Variants in AURKC observed in about 807,000 individuals in gnomAD.
The protein encoded by AURKC is ARK-3.
AURKC carries 15 observed loss-of-function variants against 29.2 expected under a neutral mutation model. That is an observed-to-expected ratio of 0.51 (90% confidence interval 0.34 to 0.79). The LOEUF is 0.79. Among genes scored for constraint, AURKC ranks in the 30% least tolerant of loss-of-function variants. The pLI is 0.01. For synonymous variants in AURKC, 150 were observed against 149.9 expected (o/e 1.00, Z -0.01); for missense variants, 332 against 383.2 (o/e 0.87, Z 1.12).
rs1441969675 is a variant in AURKC, at chr19:57,231,306, T to C, written c.58T>C (p.Leu20=). The change falls in exon 1 of 7, where the codon TTG becomes CTG. Residue 20 remains leucine, a splice_region_variant and synonymous_variant. Coordinates refer to ENST00000302804, the MANE Select transcript of AURKC (RefSeq NM_001015878.2). ...CAAAGCTCAACCTGCAGGCGAAGAG[T>C]GTGAGAGCCAGCGCCAGAGAAAGGA... ...LGKAQPAGEE[L]ATANQTAQQP... The C allele has an allele frequency of 1.3e-6, 2 of 1,552,464 alleles. No individual in the cohort carries two copies. Among genetic ancestry groups the C allele is most frequent in the Non-Finnish European group, 1.7e-6 (2 of 1,147,586 alleles).
In AURKC at chr19:57,231,059, G is replaced by C; in HGVS notation, c.-190G>C. 1.4e-6 allele frequency: 2 copies of C among 1,379,830 alleles called. No individual in the cohort carries two copies. The highest frequency in any genetic ancestry group is 2.5e-5 in the East Asian group (1 of 40,344). The allele number at this position is 1,379,830 out of a possible 1,614,324, so 85.5% of individuals were successfully genotyped here. ...GCCGGGTATAAAAGAAGGCCGCGCA[G>C]CCACGGCTGCTCACGACGCCGCGGA... On this transcript the variant is annotated 5_prime_UTR_variant, in exon 1 of 7. Coordinates refer to ENST00000302804, the MANE Select transcript of AURKC (RefSeq NM_001015878.2).
At position 57,235,330 on chromosome 19, in the gene AURKC, A is replaced by G; in HGVS notation, c.843A>G (p.Arg281=). The change falls in exon 7 of 7, where the codon AGA becomes AGG. Residue 281 remains arginine, a synonymous_variant. Coordinates refer to ENST00000302804, the MANE Select transcript of AURKC (RefSeq NM_001015878.2). Reference sequence around the variant, plus strand: ...TTCTCAGATACCAGCCCTTGGAGAGACTGCCCCTGGCCCAGATCCTGAAGC... The same window carrying G: ...TTCTCAGATACCAGCCCTTGGAGAGGCTGCCCCTGGCCCAGATCCTGAAGC... ...SRLLRYQPLE[R]LPLAQILKHP... is the part of the protein sequence containing the mutation. 1 of 1,614,052 alleles carries G rather than the reference A, an allele frequency of 6.2e-7. No individual in the cohort carries two copies. The highest frequency in any genetic ancestry group is 8.5e-7 in the Non-Finnish European group (1 of 1,180,002).
rs535479252 is a variant in AURKC at position 57,233,651 on chromosome 19, T to C, written c.584+43T>C. The C allele has an allele frequency of 2.5e-6, 4 of 1,612,316 alleles. No individual in the cohort carries two copies. The African/African-American group carries it at 5.3e-5, about 21-fold the overall frequency. ...GGTAGGGTGAGTTCTGAGTACCAGTTAGGAATGACCCAGTTTAATGTATTT... is the reference window on the plus strand; with the variant it reads ...GGTAGGGTGAGTTCTGAGTACCAGTCAGGAATGACCCAGTTTAATGTATTT... On this transcript the variant is annotated intron_variant, in intron 5 of 6. Coordinates refer to ENST00000302804, the MANE Select transcript of AURKC (RefSeq NM_001015878.2).
chr19:57,231,850 G>T (rs2087495168), intron 2 of AURKC, 63 bp downstream of exon 2: 3 of 1,613,742 alleles, frequency 1.9e-6, no homozygotes, highest in East Asian at 4.5e-5. Context: ...ATGAAGAACA[G>T]ACTGGGTGTG....
chr19:57,232,362 C>A lies in AURKC; in HGVS notation c.296+138C>A. The A allele has an allele frequency of 7.2e-7, 1 of 1,396,246 alleles. No individual in the cohort carries two copies. The highest frequency in any genetic ancestry group is 1.0e-6 in the Non-Finnish European group (1 of 1,004,012). The allele number at this position is 1,396,246 out of a possible 1,614,324, so 86.5% of individuals were successfully genotyped here. On this transcript the variant is annotated intron_variant, in intron 3 of 6. Coordinates refer to ENST00000302804, the MANE Select transcript of AURKC (RefSeq NM_001015878.2). The surrounding 1 kb of genome is among the most constrained non-coding windows in gnomAD (Gnocchi z 4.5). Reference sequence around the variant, plus strand: ...TCATTCCATTTACACTACCTCCTACCCTGGGTCAGACACTCGAATCCTGGT... The same window carrying A: ...TCATTCCATTTACACTACCTCCTACACTGGGTCAGACACTCGAATCCTGGT...
At chr19:57,233,284 A>C (rs1378752666) in intron 4 of AURKC, among the ~76,000 whole-genome samples, 176 bp from the exon 5 acceptor site, 1 of 152,210 alleles carries the variant, frequency 6.6e-6, no homozygotes, top group Non-Finnish European at 1.5e-5. Flanking sequence ...ACCACATAAA[A>C]AGGAGAGGAA....
rs751593478 is a variant in AURKC at position 57,235,337 on chromosome 19, CT to C, written c.851del (p.Leu284ArgfsTer5). The C allele has an allele frequency of 3.1e-6, 5 of 1,614,188 alleles. No homozygotes were observed. The highest frequency in any genetic ancestry group is 2.2e-5 in the South Asian group (2 of 91,084). ...ATACCAGCCCTTGGAGAGACTGCCC[CT>C]GGCCCAGATCCTGAAGCACCCCTGG... is the stretch of plus-strand genomic sequence containing the variant. ...LRYQPLERLPLAQILKHPWVQ... is the reference protein window; with the variant it reads ...LRYQPLERLPXAQILKHPWVQ... On this transcript the variant is annotated frameshift_variant, in exon 7 of 7. Coordinates refer to ENST00000302804, the MANE Select transcript of AURKC (RefSeq NM_001015878.2). LOFTEE classifies it low-confidence loss of function (END_TRUNC).
In AURKC at chr19:57,235,384, G is replaced by C; in HGVS notation, c.897G>C (p.Arg299Ser). The change falls in exon 7 of 7, where the codon AGG becomes AGC. Residue 299 changes from arginine (R) to serine (S), a missense_variant. Coordinates refer to ENST00000302804, the MANE Select transcript of AURKC (RefSeq NM_001015878.2). ...KHPWVQAHSR[R>S]VLPPCAQMAS The stretch of plus-strand genomic sequence containing the variant: ...CCTGGGTTCAGGCCCACTCCCGAAG[G>C]GTGCTGCCTCCCTGTGCTCAGATGG... The C allele has an allele frequency of 1.9e-6, 3 of 1,614,020 alleles. No individual in the cohort carries two copies. The South Asian group carries it at 3.3e-5, about 18-fold the overall frequency.
In AURKC at chr19:57,235,362, G is replaced by A. The variant is rs1166086375; in HGVS notation, c.875G>A (p.Trp292Ter). ...LPLAQILKHP[W>*]VQAHSRRVLP... ...CTGGCCCAGATCCTGAAGCACCCCTGGGTTCAGGCCCACTCCCGAAGGGTG... is the reference window on the plus strand; with the variant it reads ...CTGGCCCAGATCCTGAAGCACCCCTAGGTTCAGGCCCACTCCCGAAGGGTG... Residue 292 changes from tryptophan to a stop codon, truncating the protein, a stop_gained, in exon 7 of 7, where the codon TGG becomes TAG. Transcript: ENST00000302804. LOFTEE classifies it high-confidence loss of function. 1.3e-5 allele frequency: 21 copies of A among 1,614,116 alleles called. No individual in the cohort carries two copies. Among genetic ancestry groups the A allele is most frequent in the Non-Finnish European group, 1.7e-5 (20 of 1,180,026 alleles).
At chr19:57,234,746 C>T in intron 5 of AURKC, 138 bp from the exon 6 acceptor site, 1 of 929,910 alleles carries the variant, frequency 1.1e-6, no homozygotes, top group Non-Finnish European at 1.6e-6. Flanking sequence ...AAAAATTTGT[C>T]TCTCCAAACT....
In AURKC at chr19:57,231,776, C is replaced by T; in HGVS notation, c.93C>T (p.Ser31=). ...ATANQTAQQP[S]SPAMRRLTVD... ...CAAACCAAACAGCCCAGCAGCCCAG[C>T]AGCCCAGCCATGTGAGTCCCTTGGG... The change falls in exon 2 of 7, where the codon AGC becomes AGT. Residue 31 remains serine (S), a synonymous_variant. Transcript: ENST00000302804. 1.2e-6 allele frequency: 2 copies of T among 1,614,016 alleles called. No homozygotes were observed. The highest frequency in any genetic ancestry group is 4.5e-5 in the East Asian group (2 of 44,862).
In AURKC at chr19:57,235,068, T is replaced by C; in HGVS notation, c.759+10T>C. The C allele has an allele frequency of 1.2e-6, 2 of 1,614,032 alleles. No individual in the cohort carries two copies. Among genetic ancestry groups the C allele is most frequent in the Non-Finnish European group, 1.7e-6 (2 of 1,180,010 alleles). On this transcript the variant is annotated intron_variant, in intron 6 of 6. Transcript: ENST00000302804. ...CAGACGCATCCTCAAGGTGGGACAG[T>C]CACCTTTGGGCATTCATGGGGGAGC...
rs1259306834 is a variant in AURKC, at chr19:57,235,302, G to C, written c.815G>C (p.Arg272Thr). ...MPLGARDLIS[R>T]LLRYQPLERL... Reference sequence around the variant, plus strand: ...CTGGGGGCCCGGGACTTGATTTCCAGGCTTCTCAGATACCAGCCCTTGGAG... The same window carrying C: ...CTGGGGGCCCGGGACTTGATTTCCACGCTTCTCAGATACCAGCCCTTGGAG... The change falls in exon 7 of 7, where the codon AGG becomes ACG. Residue 272 changes from arginine to threonine, a missense_variant. By Grantham distance (71) the Arg-to-Thr change is moderately conservative. Transcript: ENST00000302804. 1 of 1,614,166 alleles carries C rather than the reference G, an allele frequency of 6.2e-7. No homozygotes were observed. Among genetic ancestry groups the C allele is most frequent in the South Asian group, 1.1e-5 (1 of 91,088 alleles).
rs928117656 is a variant in AURKC at position 57,231,074 on chromosome 19, G to C, written c.-175G>C. 6 of 1,465,778 alleles carry C rather than the reference G, an allele frequency of 4.1e-6. No homozygotes were observed. In the East Asian group the frequency reaches 1.5e-4, roughly 36 times the overall value. 90.8% of individuals were successfully genotyped at this position (1,465,778 alleles called of 1,614,324 possible). A position where few individuals can be genotyped will look rare whatever the true frequency, so the allele number is the denominator to read the frequency against. The stretch of plus-strand genomic sequence containing the variant: ...AGGCCGCGCAGCCACGGCTGCTCAC[G>C]ACGCCGCGGATCCCGAAGCCTGTGT... On this transcript the variant is annotated 5_prime_UTR_variant, in exon 1 of 7. Coordinates refer to ENST00000302804, the MANE Select transcript of AURKC (RefSeq NM_001015878.2).
intron 5 of AURKC, 140 bp downstream of exon 5, chr19:57,233,748 T>A: frequency 1.6e-6 from 2 of 1,236,314 alleles, no homozygotes; most frequent in Non-Finnish European, 1.1e-6. Context: ...TCTTTTCTTT[T>A]CTTTTCTTTT....
Position 57,232,080 on chromosome 19 carries a change from AG to A in AURKC, c.156del (p.Lys53AsnfsTer19). ...TTTGAAATCGGGCGTCCCCTGGGCA[AG>A]GGGAAATTTGGGAATGTGTACCTGG... ...DDFEIGRPLG[K>X]GKFGNVYLAR... On this transcript the variant is annotated frameshift_variant, in exon 3 of 7. Coordinates refer to ENST00000302804, the MANE Select transcript of AURKC (RefSeq NM_001015878.2). LOFTEE classifies it high-confidence loss of function. This position sits in a 1 kb window ranked among gnomAD's most constrained non-coding sequence, Gnocchi z 4.5. The A allele has an allele frequency of 6.2e-7, 1 of 1,614,062 alleles. No individual in the cohort carries two copies. The highest frequency in any genetic ancestry group is 8.5e-7 in the Non-Finnish European group (1 of 1,180,018).
chr19:57,231,949 A>T (rs186687259), intron 2 of AURKC, 84 bp from the exon 3 acceptor site: 2 of 1,602,850 alleles, frequency 1.2e-6, no homozygotes, highest in Admixed American at 1.7e-5. Context: ...ACAATGAAAG[A>T]GGAAGGGGAG....
Position 57,233,767 on chromosome 19 carries a change from A to C in AURKC, c.584+159A>C, listed in dbSNP as rs12459716. Among the ~76,000 whole-genome samples, 41,823 of 148,796 alleles carry C rather than the reference A, an allele frequency of 0.28. 6,765 individuals are homozygous for C. The highest frequency in any genetic ancestry group is 0.69 in the East Asian group (3,511 of 5,118). ...TTCTTTTCTTTTCTTTTTTTTTTTG[A>C]GACAGAGTCTAACTCTTTCACCCAG... On this transcript the variant is annotated intron_variant, in intron 5 of 6. Coordinates refer to ENST00000302804, the MANE Select transcript of AURKC (RefSeq NM_001015878.2).
chr19:57,232,628 T>G lies in AURKC; in HGVS notation c.383T>G (p.Leu128Arg). Reference protein sequence around the residue: ...LILEYAPRGELYKELQKSEKL... With the variant: ...LILEYAPRGERYKELQKSEKL... ...CTGGAATATGCTCCAAGGGGTGAGCTCTACAAGGAGCTGCAGAAAAGCGAG... is the reference window on the plus strand; with the variant it reads ...CTGGAATATGCTCCAAGGGGTGAGCGCTACAAGGAGCTGCAGAAAAGCGAG... Residue 128 changes from leucine to arginine, a missense_variant, in exon 4 of 7, where the codon CTC becomes CGC. By Grantham distance (102) the Leu-to-Arg change is moderately radical. Transcript: ENST00000302804. This position sits in a 1 kb window ranked among gnomAD's most constrained non-coding sequence, Gnocchi z 4.5. 1 of 1,614,068 alleles carries G rather than the reference T, an allele frequency of 6.2e-7. No individual in the cohort carries two copies. Among genetic ancestry groups the G allele is most frequent in the Non-Finnish European group, 8.5e-7 (1 of 1,180,020 alleles).
Sources: allele counts gnomAD v4.1 joint callset (sites outside exome capture counted in the v4.1 genomes callset), GRCh38; gene constraint gnomAD v4.1.1; non-coding constraint Gnocchi (gnomAD v3.1); transcripts MANE v1.5; gene names NCBI Gene and HGNC (gene_info 2026-07-23, HGNC 2026-07-21).